DLGAP4: variants seen among roughly 807,000 people sequenced by gnomAD.
DLGAP4 encodes the protein disks large-associated protein 4.
A neutral mutation model predicts 86.9 loss-of-function variants in DLGAP4; 18 were observed. That is an observed-to-expected ratio of 0.21 (90% confidence interval 0.14 to 0.31). DLGAP4 has a LOEUF of 0.31. Among genes scored for constraint, DLGAP4 ranks in the 10% least tolerant of loss-of-function variants. The pLI is 1.00. For missense variants in DLGAP4, 1,085 were observed against 1,362.6 expected, an observed-to-expected ratio of 0.80 and a Z score of 3.21; for synonymous variants, 548 against 574.3, an observed-to-expected ratio of 0.95 and a Z score of 0.65.
intron 2 of DLGAP4, among the ~76,000 whole-genome samples, chr20:36,384,393 G>A (rs1220365081): frequency 1.3e-5 from 2 of 152,170 alleles, no homozygotes; most frequent in Non-Finnish European, 2.9e-5. Context: ...TCTGAGGTAG[G>A]ATTTGAGCCT....
At chr20:36,380,026 T>G (rs950338139) in intron 2 of DLGAP4, among the ~76,000 whole-genome samples, 1 of 149,404 alleles carries the variant, frequency 6.7e-6, no homozygotes, top group Non-Finnish European at 1.5e-5. Context: ...TACAGAAAAT[T>G]TTAACAACTA....
chr20:36,376,107 T>A (rs895178898), intron 2 of DLGAP4, among the ~76,000 whole-genome samples: 1 of 151,978 alleles, frequency 6.6e-6, no homozygotes, highest in Non-Finnish European at 1.5e-5. Flanking sequence ...CAAGTGATCC[T>A]CCTGCCTTGG....
rs572455424 is a variant in DLGAP4 at position 36,340,607 on chromosome 20, C to T, written c.-303-26438C>T. 5.4e-3 allele frequency among the ~76,000 whole-genome samples: 830 copies of T among 152,324 alleles called. 9 individuals are homozygous for T. Among genetic ancestry groups the T allele is most frequent in the Middle Eastern group, 0.014 (4 of 294 alleles). ...GTCTTTGTGACCAGGGAAATGGCCA[C>T]ATCAGATCAGCGGCATTAGTTGTGT... On this transcript the variant is annotated intron_variant, in intron 1 of 12. Coordinates refer to ENST00000339266, the MANE Select transcript of DLGAP4 (RefSeq NM_001365621.2).
At chr20:36,380,593 A>AAGAGAGAGAGAGAG (rs57814145) in intron 2 of DLGAP4, among the ~76,000 whole-genome samples, 3 of 97,094 alleles carry the variant, frequency 3.1e-5, no homozygotes, top group East Asian at 3.5e-4. Context: ...GTCTGCATTA[A>AAGAGAGAGAGAGAG]AGAGAGAGAG....
At chr20:36,521,873 T>G (rs980003468) in intron 10 of DLGAP4, among the ~76,000 whole-genome samples, 2 of 152,230 alleles carry the variant, frequency 1.3e-5, no homozygotes, top group African/African-American at 4.8e-5. Flanking sequence ...TCCTGTAATA[T>G]CTTTAACTCC....
intron 1 of DLGAP4, among the ~76,000 whole-genome samples, chr20:36,327,749 G>A (rs1401029627): frequency 6.7e-6 from 1 of 148,552 alleles, no homozygotes; most frequent in South Asian, 2.1e-4. Context: ...CCGCCACTAC[G>A]CCCGGCTAAT....
chr20:36,442,052 A>T (rs568017668), intron 5 of DLGAP4, among the ~76,000 whole-genome samples: 40 of 152,266 alleles, frequency 2.6e-4, no homozygotes, highest in African/African-American at 9.1e-4. Context: ...ATTTGGCCCC[A>T]AAGTCAGAGA....
intron 8 of DLGAP4, 179 bp from the exon 9 acceptor site, chr20:36,499,409 T>C (rs896050192): frequency 1.2e-5 from 17 of 1,386,178 alleles, no homozygotes; most frequent in Non-Finnish European, 1.7e-5. Flanking sequence ...GAATGAGCAG[T>C]GCCCGGCTTA....
chr20:36,512,931 C>CTTTTTTTTTT lies in DLGAP4; in HGVS notation c.2513-11290_2513-11281dup. On this transcript the variant is annotated intron_variant, in intron 10 of 12. Coordinates refer to ENST00000339266, the MANE Select transcript of DLGAP4 (RefSeq NM_001365621.2). ...TCAGATCACAGGGGTCTCAGAGGCC[C>CTTTTTTTTTT]TTTTTTTTTTTTTTTTTTTTTTTTT... Among the ~76,000 whole-genome samples the CTTTTTTTTTT allele has an allele frequency of 8.1e-4, 19 of 23,536 alleles. 5 individuals are homozygous for CTTTTTTTTTT. The highest frequency in any genetic ancestry group is 3.2e-3 in the East Asian group (3 of 928). 15.4% of individuals were successfully genotyped at this position (23,536 alleles called of 152,430 possible).
intron 1 of DLGAP4, among the ~76,000 whole-genome samples, chr20:36,340,843 G>A (rs2065372595): frequency 1.3e-5 from 2 of 152,176 alleles, no homozygotes; most frequent in African/African-American, 4.8e-5. Context: ...GGAGGGGGAG[G>A]CATAATTAGC....
At chr20:36,410,613 C>G (rs947483499) in intron 2 of DLGAP4, among the ~76,000 whole-genome samples, 15 of 152,274 alleles carry the variant, frequency 9.9e-5, no homozygotes, top group African/African-American at 3.4e-4. Flanking sequence ...GAAGGGAAAG[C>G]AGGCAGTGTC....
intron 1 of DLGAP4, among the ~76,000 whole-genome samples, chr20:36,349,097 T>C (rs2030044152): frequency 2.9e-5 from 2 of 69,890 alleles, no homozygotes; most frequent in Admixed American, 2.4e-4. Context: ...AGAACAAGAC[T>C]CCATCTCAAA....
chr20:36,499,450 G>T, intron 8 of DLGAP4, 138 bp from the exon 9 acceptor site: 1 of 1,354,416 alleles, frequency 7.4e-7, no homozygotes, highest in South Asian at 1.3e-5. Flanking sequence ...CACGTGCAGT[G>T]TCCGCATGCC....
chr20:36,438,377 A>AT (rs1569499590), intron 4 of DLGAP4, among the ~76,000 whole-genome samples: 43 of 84,120 alleles, frequency 5.1e-4, no homozygotes, highest in African/African-American at 1.3e-3. Flanking sequence ...GTCTCAAAAA[A>AT]AAATATATAT....
Position 36,354,212 on chromosome 20 carries a change from T to C in DLGAP4, c.-303-12833T>C, listed in dbSNP as rs557727091. 1.7e-4 allele frequency among the ~76,000 whole-genome samples: 26 copies of C among 152,268 alleles called. No individual in the cohort carries two copies. In the East Asian group the frequency reaches 5.0e-3, roughly 29 times the overall value. On this transcript the variant is annotated intron_variant, in intron 1 of 12. Coordinates refer to ENST00000339266, the MANE Select transcript of DLGAP4 (RefSeq NM_001365621.2). ...CACCCCTGGCCTTTCCCTGGGGTTC[T>C]CCTGGACCGCATTCCCAATGTCCTG...
intron 2 of DLGAP4, among the ~76,000 whole-genome samples, chr20:36,376,426 G>A (rs1324336555): frequency 2.0e-5 from 3 of 152,078 alleles, no homozygotes; most frequent in East Asian, 1.9e-4. Flanking sequence ...AGCCAAGATT[G>A]TGCCATTGCA....
intron 2 of DLGAP4, among the ~76,000 whole-genome samples, chr20:36,416,467 C>T (rs2032657373): frequency 6.6e-6 from 1 of 152,222 alleles, no homozygotes; most frequent in South Asian, 2.1e-4. Context: ...CCATCGGGGA[C>T]TCCAGGACAG....
At chr20:36,405,218 G>A (rs573429584) in intron 2 of DLGAP4, among the ~76,000 whole-genome samples, 1 of 152,322 alleles carries the variant, frequency 6.6e-6, no homozygotes, top group African/African-American at 2.4e-5. Context: ...TGTGGATAGT[G>A]GTTAAGAGTA....
At chr20:36,411,890 A>G (rs2032510862) in intron 2 of DLGAP4, among the ~76,000 whole-genome samples, 1 of 152,160 alleles carries the variant, frequency 6.6e-6, no homozygotes, top group South Asian at 2.1e-4. Flanking sequence ...GTCTGTGGAA[A>G]TCTTACTTGT....
Sources: gnomAD v4.1 joint callset for allele counts (sites outside exome capture counted in the v4.1 genomes callset) on GRCh38, gnomAD v4.1.1 for gene constraint, MANE v1.5 for transcripts, NCBI Gene and HGNC (gene_info 2026-07-23, HGNC 2026-07-21) for gene names.